AKAP19: variants seen among roughly 807,000 people sequenced by gnomAD.
AKAP19 encodes the protein small A-kinase anchoring protein.
chr2:190,117,846 A>G, the AKAP19 span, among the ~76,000 whole-genome samples: 1 of 152,194 alleles, frequency 6.6e-6, no homozygotes, highest in Non-Finnish European at 1.5e-5. Context: ...TGAATGTGCT[A>G]CACTCACTGT....
At chr2:190,047,566 G>T in the AKAP19 span, among the ~76,000 whole-genome samples, 1 of 152,194 alleles carries the variant, frequency 6.6e-6, no homozygotes, top group African/African-American at 2.4e-5. Context: ...CTTGAGAGAA[G>T]ATTATGATTT....
chr2:190,061,853 T>C, the AKAP19 span, among the ~76,000 whole-genome samples: 1 of 151,896 alleles, frequency 6.6e-6, no homozygotes, highest in Non-Finnish European at 1.5e-5. Flanking sequence ...AAAAAACTTA[T>C]TTTACACAAC....
At chr2:189,962,771 A>G in the AKAP19 span, among the ~76,000 whole-genome samples, 6 of 152,200 alleles carry the variant, frequency 3.9e-5, no homozygotes, top group African/African-American at 9.6e-5. Context: ...AACTCTTTAC[A>G]TAACATTTAT....
At chr2:190,091,446 C>T in the AKAP19 span, among the ~76,000 whole-genome samples, 3 of 151,930 alleles carry the variant, frequency 2.0e-5, no homozygotes, top group Admixed American at 6.6e-5. Context: ...AAATATGCTA[C>T]AAGAGTGACC....
the AKAP19 span, among the ~76,000 whole-genome samples, chr2:190,156,345 A>G: frequency 6.6e-6 from 1 of 152,200 alleles, no homozygotes; most frequent in Non-Finnish European, 1.5e-5. Flanking sequence ...TTATATACAT[A>G]CAAACATCCT....
chr2:189,901,900 A>G, the AKAP19 span, among the ~76,000 whole-genome samples: 1 of 152,304 alleles, frequency 6.6e-6, no homozygotes, highest in East Asian at 1.9e-4. Context: ...GGATATAATA[A>G]ACTCATAATT....
the AKAP19 span, among the ~76,000 whole-genome samples, chr2:190,179,518 C>A: frequency 0.04 from 6,147 of 152,200 alleles, 412 homozygotes; most frequent in African/African-American, 0.14. This position sits in a 1 kb window ranked among gnomAD's most constrained non-coding sequence, Gnocchi z 6.0. Flanking sequence ...ATCATACTAG[C>A]ATGAAGAAAA....
At chr2:190,184,933 A>G in the AKAP19 span, among the ~76,000 whole-genome samples, 2 of 152,232 alleles carry the variant, frequency 1.3e-5, no homozygotes, top group Non-Finnish European at 2.9e-5. Context: ...TAGGCCACAG[A>G]AAATAGGAAC....
At chr2:190,109,564 C>T in the AKAP19 span, among the ~76,000 whole-genome samples, 2 of 151,948 alleles carry the variant, frequency 1.3e-5, no homozygotes, top group Admixed American at 6.6e-5. Context: ...GGACTCTTGC[C>T]GATTTGGTCA....
the AKAP19 span, among the ~76,000 whole-genome samples, chr2:189,927,976 T>G: frequency 6.6e-6 from 1 of 152,214 alleles, no homozygotes; most frequent in South Asian, 2.1e-4. Context: ...CATTAATGTC[T>G]TTTGTAGTAA....
the AKAP19 span, among the ~76,000 whole-genome samples, chr2:190,174,292 G>T: frequency 2.0e-5 from 3 of 152,156 alleles, no homozygotes; most frequent in Non-Finnish European, 4.4e-5. Context: ...TTTTCACTTG[G>T]TGGCACTGAG....
At chr2:190,162,436 A>G in the AKAP19 span, among the ~76,000 whole-genome samples, 1 of 152,206 alleles carries the variant, frequency 6.6e-6, no homozygotes, top group Non-Finnish European at 1.5e-5. Context: ...AGAAGCTTGT[A>G]ATTAAAAGTC....
chr2:190,039,090 T>G, the AKAP19 span, among the ~76,000 whole-genome samples: 1 of 150,546 alleles, frequency 6.6e-6, no homozygotes, highest in Non-Finnish European at 1.5e-5. Context: ...GTTTGTTTTT[T>G]GAGACAGAGT....
At chr2:189,930,607 C>T in the AKAP19 span, 11 of 276,382 alleles carry the variant, frequency 4.0e-5, no homozygotes, top group Non-Finnish European at 5.7e-5. Flanking sequence ...ACCTGGGAGG[C>T]AGAGGTTGCA....
chr2:189,905,046 A>T, the AKAP19 span, among the ~76,000 whole-genome samples: 1 of 152,024 alleles, frequency 6.6e-6, no homozygotes, highest in East Asian at 1.9e-4. Flanking sequence ...TGATTCTAAA[A>T]TTCTATATTC....
chr2:190,099,105 T>G, the AKAP19 span, among the ~76,000 whole-genome samples: 2 of 152,252 alleles, frequency 1.3e-5, no homozygotes, highest in Non-Finnish European at 2.9e-5. Flanking sequence ...TTTTGTCATC[T>G]GTGTATTCAA....
At chr2:190,063,594 G>C in the AKAP19 span, among the ~76,000 whole-genome samples, 1 of 152,114 alleles carries the variant, frequency 6.6e-6, no homozygotes, top group Non-Finnish European at 1.5e-5. Context: ...TATCCAGAGA[G>C]TAAAAAGTGC....
the AKAP19 span, among the ~76,000 whole-genome samples, chr2:190,066,515 G>A: frequency 6.6e-6 from 1 of 152,096 alleles, no homozygotes; most frequent in African/African-American, 2.4e-5. Context: ...ATTAACTTGT[G>A]TTTACAGCTG....
At chr2:190,113,568 G>A in the AKAP19 span, among the ~76,000 whole-genome samples, 9 of 152,154 alleles carry the variant, frequency 5.9e-5, no homozygotes, top group African/African-American at 1.9e-4. Flanking sequence ...ATACCTGCAA[G>A]AACCTCTCAC....
Sources: gnomAD v4.1 joint callset for allele counts (sites outside exome capture counted in the v4.1 genomes callset) on GRCh38, gnomAD v4.1.1 for gene constraint, Gnocchi (gnomAD v3.1) non-coding constraint, MANE v1.5 for transcripts, NCBI Gene and HGNC (gene_info 2026-07-23, HGNC 2026-07-21) for gene names.